The following STN1 variants were observed in gnomAD, a reference collection of about 807,000 sequenced individuals.
STN1 encodes the protein STN1 subunit of CST complex, also known as CST complex subunit STN1.
In STN1, 29 loss-of-function variants were observed where a neutral mutation model predicts 45.5. That is an observed-to-expected ratio of 0.64 (90% CI 0.47 to 0.87). The LOEUF (loss-of-function observed/expected upper bound fraction) is 0.87. Among genes scored for constraint, STN1 ranks in the 40% least tolerant of loss-of-function variants. The pLI, the probability that STN1 is intolerant of heterozygous loss-of-function variation, is 0.00. For synonymous variants in STN1, 148 were observed against 159.0 expected (o/e 0.93, Z 0.52); for missense variants, 376 against 441.4 (o/e 0.85, Z 1.33).
intron 4 of STN1, among the ~76,000 whole-genome samples, chr10:103,903,947 A>G (rs964034383): frequency 2.6e-5 from 4 of 152,238 alleles, no homozygotes; most frequent in Non-Finnish European, 5.9e-5. Context: ...ATTAGGAATT[A>G]GAATTCCAAA....
chr10:103,908,888 A>AT (rs35148368), intron 3 of STN1, among the ~76,000 whole-genome samples: 11,451 of 148,608 alleles, frequency 0.077, 562 homozygotes, highest in African/African-American at 0.14. Context: ...AATGCAGTTA[A>AT]TTTTTTTTTT....
At chr10:103,914,268 G>A (rs1329091981) in intron 2 of STN1, among the ~76,000 whole-genome samples, 1 of 147,592 alleles carries the variant, frequency 6.8e-6, no homozygotes, top group African/African-American at 2.5e-5. Flanking sequence ...ATTAAAGTTT[G>A]ACATGGATAG....
intron 3 of STN1, among the ~76,000 whole-genome samples, chr10:103,909,500 A>ATATATGTG (rs1564635164): frequency 3.7e-5 from 2 of 53,984 alleles, no homozygotes; most frequent in Admixed American, 4.9e-4. Context: ...GTGTGTGTAT[A>ATATATGTG]TGTATATATG....
At position 103,897,627 on chromosome 10, in the gene STN1, T is replaced by C. The variant is rs1027269243; in HGVS notation, c.674A>G (p.Tyr225Cys). 1.2e-6 allele frequency: 2 copies of C among 1,614,140 alleles called. No individual in the cohort carries two copies. The highest frequency in any genetic ancestry group is 2.7e-5 in the African/African-American group (2 of 75,040). ...CTCCACCATTTCCAGCTCCTGCTGG[T>C]AAAAGCTCTGCACTCTGTTCTCCAT... The part of the protein sequence containing the change: ...FLMENRVQSF[Y>C]QQELEMVESL... The change falls in exon 7 of 10, where the codon TAC becomes TGC. Residue 225 changes from tyrosine to cysteine, a missense_variant. Coordinates refer to ENST00000224950, the MANE Select transcript of STN1 (RefSeq NM_024928.5).
At chr10:103,900,016 C>T (rs1325492968) in intron 5 of STN1, 46 bp downstream of exon 5, 2 of 1,587,290 alleles carry the variant, frequency 1.3e-6, no homozygotes, top group Admixed American at 1.7e-5. Flanking sequence ...TTACTGGACG[C>T]ACATCCAGAA....
At position 103,878,614 on chromosome 10, in the gene STN1, C is replaced by T. The variant is rs1248509713; in HGVS notation, c.*4070G>A. 2 of 152,168 alleles carry T rather than the reference C, an allele frequency of 1.3e-5. No individual in the cohort carries two copies. Among genetic ancestry groups the T allele is most frequent in the East Asian group, 1.9e-4 (1 of 5,206 alleles). 9.4% of individuals were successfully genotyped at this position (152,168 alleles called of 1,614,324 possible). On this transcript the variant is annotated 3_prime_UTR_variant, in exon 10 of 10. Transcript: ENST00000224950. ...TGTACTGACAGTGGAAGAGTGAGCA[C>T]TTGCTAATTATAAAAATGCCAAAGG...
intron 2 of STN1, among the ~76,000 whole-genome samples, chr10:103,911,494 T>C (rs1481779338): frequency 2.0e-5 from 3 of 152,176 alleles, no homozygotes. Context: ...CCATGACGGC[T>C]AAATTCTTTA....
chr10:103,909,492 G>GTATATA (rs1262774005), intron 3 of STN1, among the ~76,000 whole-genome samples: 5 of 41,320 alleles, frequency 1.2e-4, no homozygotes, highest in South Asian at 1.3e-3. Context: ...ATATATGTGT[G>GTATATA]TGTGTATATG....
At chr10:103,886,109 T>C (rs1843101561) in intron 9 of STN1, among the ~76,000 whole-genome samples, 1 of 152,112 alleles carries the variant, frequency 6.6e-6, no homozygotes, top group South Asian at 2.1e-4. Flanking sequence ...CCAGTATAAG[T>C]AGTGTTATAT....
intron 9 of STN1, among the ~76,000 whole-genome samples, chr10:103,884,039 G>A (rs1330211935): frequency 1.5e-5 from 2 of 134,220 alleles, no homozygotes; most frequent in Non-Finnish European, 1.5e-5. Context: ...GCAGTGAGCC[G>A]AGATTGCGCC....
chr10:103,906,352 AT>A (rs1336620674), intron 3 of STN1, among the ~76,000 whole-genome samples: 1 of 152,208 alleles, frequency 6.6e-6, no homozygotes, highest in Non-Finnish European at 1.5e-5. Flanking sequence ...AGGGTTAATG[AT>A]TTAATATATA....
chr10:103,900,739 C>CTCTA (rs1189985292), intron 4 of STN1, among the ~76,000 whole-genome samples: 1 of 147,236 alleles, frequency 6.8e-6, no homozygotes, highest in Non-Finnish European at 1.5e-5. Flanking sequence ...CACTCTCTCT[C>CTCTA]TCTCTCACAC....
rs558147971 is a variant in STN1 at position 103,905,818 on chromosome 10, C to T, written c.230-662G>A. 2.0e-5 allele frequency among the ~76,000 whole-genome samples: 3 copies of T among 152,262 alleles called. No individual in the cohort carries two copies. In the East Asian group the frequency reaches 5.8e-4, roughly 29 times the overall value. On this transcript the variant is annotated intron_variant, in intron 3 of 9. Coordinates refer to ENST00000224950, the MANE Select transcript of STN1 (RefSeq NM_024928.5). ...GGCCACAAAAACAGTACTAGTCTGG[C>T]TTATGTTATTCCTGGCTTATCTCAT...
In STN1 at chr10:103,882,456, T is replaced by C. The variant is rs550133840; in HGVS notation, c.*228A>G. On this transcript the variant is annotated 3_prime_UTR_variant, in exon 10 of 10. Transcript: ENST00000224950. ...AGGAGCTCAACAGGGAGGGTTTTCT[T>C]GTTGTGTCATGGCTGAGATCAAAGT... is the stretch of plus-strand genomic sequence containing the variant. The C allele has an allele frequency of 1.7e-5, 8 of 469,064 alleles. No homozygotes were observed. In the South Asian group the frequency reaches 2.1e-4, roughly 12 times the overall value. The allele number at this position is 469,064 out of a possible 1,614,324, so 29.1% of individuals were successfully genotyped here.
At position 103,879,063 on chromosome 10, in the gene STN1, G is replaced by T. The variant is rs560773449; in HGVS notation, c.*3621C>A. 1 of 152,386 alleles carries T rather than the reference G, an allele frequency of 6.6e-6. No individual in the cohort carries two copies. Among genetic ancestry groups the T allele is most frequent in the East Asian group, 1.9e-4 (1 of 5,178 alleles). 9.4% of individuals were successfully genotyped at this position (152,386 alleles called of 1,614,324 possible). A position where few individuals can be genotyped will look rare whatever the true frequency, so the allele number is the denominator to read the frequency against. ...GTGCTGTTGGCTGAGGCTGCTCCCT[G>T]GGGGTGTGACTTCTGAGCACTTCCA... On this transcript the variant is annotated 3_prime_UTR_variant, in exon 10 of 10. Coordinates refer to ENST00000224950, the MANE Select transcript of STN1 (RefSeq NM_024928.5).
chr10:103,898,408 G>C (rs1843185815), intron 6 of STN1: 1 of 153,006 alleles, frequency 6.5e-6, no homozygotes, highest in Non-Finnish European at 1.5e-5. Flanking sequence ...CCCTGGTTGA[G>C]AATGACCGGT....
rs1564633528 is a variant in STN1 at position 103,900,173 on chromosome 10, G to A, written c.346C>T (p.Leu116=). 1 of 1,614,142 alleles carries A rather than the reference G, an allele frequency of 6.2e-7. No individual in the cohort carries two copies. Among genetic ancestry groups the A allele is most frequent in the Non-Finnish European group, 8.5e-7 (1 of 1,180,020 alleles). The change falls in exon 5 of 10, where the codon CTA becomes TTA. Residue 116 remains leucine, a synonymous_variant. Coordinates refer to ENST00000224950, the MANE Select transcript of STN1 (RefSeq NM_024928.5). ...GTTTTCTGCTCAATGGTCTCTTGTA[G>A]CTTCTTAAGTTGTGAGGTTAAGCTG... ...ELSLTSQLKK[L]QETIEQKTKI... is the part of the protein sequence containing the mutation.
chr10:103,879,052 G>A lies in STN1; in HGVS notation c.*3632C>T, dbSNP rs983990894. The A allele has an allele frequency of 6.6e-6, 1 of 152,302 alleles. No homozygotes were observed. Among genetic ancestry groups the A allele is most frequent in the African/African-American group, 2.4e-5 (1 of 41,416 alleles). 9.4% of individuals were successfully genotyped at this position (152,302 alleles called of 1,614,324 possible). On this transcript the variant is annotated 3_prime_UTR_variant, in exon 10 of 10. Coordinates refer to ENST00000224950, the MANE Select transcript of STN1 (RefSeq NM_024928.5). ...TTACAGCCAAGGTGCTGTTGGCTGAGGCTGCTCCCTGGGGGTGTGACTTCT... is the reference window on the plus strand; with the variant it reads ...TTACAGCCAAGGTGCTGTTGGCTGAAGCTGCTCCCTGGGGGTGTGACTTCT...
At chr10:103,907,927 G>A (rs60686870) in intron 3 of STN1, among the ~76,000 whole-genome samples, 257 of 152,070 alleles carry the variant, frequency 1.7e-3, no homozygotes, top group African/African-American at 5.8e-3. Context: ...CCAGGAGTTC[G>A]AGACCAGCCT....
Sources: allele counts gnomAD v4.1 joint callset (sites outside exome capture counted in the v4.1 genomes callset), GRCh38; gene constraint gnomAD v4.1.1; transcripts MANE v1.5; gene names NCBI Gene and HGNC (gene_info 2026-07-23, HGNC 2026-07-21).